PDRG1: variants seen among roughly 807,000 people sequenced by gnomAD.
PDRG1 encodes the protein p53 and DNA damage-regulated protein 1.
Under a neutral mutation model 18.4 loss-of-function variants are expected in PDRG1, and 14 were observed. The ratio of observed to expected loss-of-function variants is 0.76; its 90% CI spans 0.50 to 1.19. PDRG1 has a LOEUF of 1.19. Ranked by LOEUF, PDRG1 falls within the 50% of genes most tolerant of loss-of-function variation. PDRG1 has a pLI of 0.00. For synonymous variants in PDRG1, 65 were observed against 60.9 expected, an observed-to-expected ratio of 1.07 and a Z score of -0.31; for missense variants, 177 against 160.1, an observed-to-expected ratio of 1.11 and a Z score of -0.57.
Position 31,951,926 on chromosome 20 carries a change from G to A in PDRG1, c.36C>T (p.Tyr12=), listed in dbSNP as rs766689791. ...LSPEAERVLR[Y]LVEVEELAEE... ...CGGCGAGCTCCTCCACTTCTACAAG[G>A]TACCGCAGCACTCGCTCTGCCTCGG... Residue 12 remains tyrosine (Y), a synonymous_variant, in exon 1 of 5, where the codon TAC becomes TAT. Coordinates refer to ENST00000202017, the MANE Select transcript of PDRG1 (RefSeq NM_030815.3). 3 of 1,594,708 alleles carry A rather than the reference G, an allele frequency of 1.9e-6. No individual in the cohort carries two copies. The highest frequency in any genetic ancestry group is 1.4e-5 in the African/African-American group (1 of 73,932).
At chr20:31,949,007 G>C in intron 2 of PDRG1, 125 bp from the exon 3 acceptor site, 1 of 771,234 alleles carries the variant, frequency 1.3e-6, no homozygotes, top group African/African-American at 1.8e-5. Context: ...TGGAGCTTAT[G>C]TTACAGTGGA....
chr20:31,951,782 G>T, intron 1 of PDRG1, 93 bp downstream of exon 1: 1 of 1,363,252 alleles, frequency 7.3e-7, no homozygotes, highest in Non-Finnish European at 9.8e-7. Context: ...CCTCGGAGCC[G>T]TTAACCGCCT....
In PDRG1 at chr20:31,945,579, T is replaced by A. The variant is rs1181509806; in HGVS notation, c.*228A>T. On this transcript the variant is annotated 3_prime_UTR_variant, in exon 5 of 5. Transcript: ENST00000202017. ...GTGGCTACCAAGGCCCGTCAATAGA[T>A]CTTGTGTCCACCGAGCCCTGGTGTC... The A allele has an allele frequency of 4.3e-6, 2 of 468,376 alleles. No individual in the cohort carries two copies. The highest frequency in any genetic ancestry group is 7.7e-6 in the Non-Finnish European group (2 of 260,822). The allele number at this position is 468,376 out of a possible 1,614,324, so 29.0% of individuals were successfully genotyped here. A position where few individuals can be genotyped will look rare whatever the true frequency, so the allele number is the denominator to read the frequency against.
chr20:31,950,524 A>C, intron 1 of PDRG1, 137 bp from the exon 2 acceptor site: 1 of 658,158 alleles, frequency 1.5e-6, no homozygotes, highest in East Asian at 2.6e-5. Flanking sequence ...TTGATGTGTG[A>C]ATGTATTTCT....
At position 31,944,410 on chromosome 20, in the gene PDRG1, A is replaced by T. The variant is rs1459255097; in HGVS notation, c.*1397T>A. 6.5e-6 allele frequency: 1 copy of T among 154,048 alleles called. No homozygotes were observed. The highest frequency in any genetic ancestry group is 6.4e-5 in the Admixed American group (1 of 15,712). 9.5% of individuals were successfully genotyped at this position (154,048 alleles called of 1,614,324 possible). A position where few individuals can be genotyped will look rare whatever the true frequency, so the allele number is the denominator to read the frequency against. On this transcript the variant is annotated 3_prime_UTR_variant, in exon 5 of 5. Transcript: ENST00000202017. ...AATATATTCATACGGTTTAAAATCC[A>T]AAGTTTACAAAAGGGTATAGGGTGA...
Position 31,945,611 on chromosome 20 carries a change from C to A in PDRG1, c.*196G>T. The A allele has an allele frequency of 2.0e-6, 1 of 507,716 alleles. No individual in the cohort carries two copies. The highest frequency in any genetic ancestry group is 2.7e-5 in the South Asian group (1 of 37,474). The allele number at this position is 507,716 out of a possible 1,614,324, so 31.5% of individuals were successfully genotyped here. ...TCCACCGAGCCCTGGTGTCCAGGTC[C>A]AGCAGCCAGACAGGCTGAAGGTTCC... On this transcript the variant is annotated 3_prime_UTR_variant, in exon 5 of 5. Transcript: ENST00000202017.
chr20:31,945,974 A>G (rs932009939), intron 4 of PDRG1, 85 bp from the exon 5 acceptor site: 2 of 1,110,790 alleles, frequency 1.8e-6, no homozygotes, highest in African/African-American at 3.1e-5. Flanking sequence ...CGCTGCACTA[A>G]TGCTGCCAAA....
At chr20:31,951,517 T>C (rs1363191054) in intron 1 of PDRG1, among the ~76,000 whole-genome samples, 1 of 151,894 alleles carries the variant, frequency 6.6e-6, no homozygotes. Context: ...CCCTGCCCGG[T>C]CACAAGGCCC....
intron 3 of PDRG1, among the ~76,000 whole-genome samples, chr20:31,948,360 GCATGAGGA>G (rs369653769): frequency 6.9e-4 from 105 of 152,336 alleles, no homozygotes; most frequent in African/African-American, 2.5e-3. Flanking sequence ...CTCCAGCCTG[GCATGAGGA>G]CATGAGGCCT....
chr20:31,947,713 C>A (rs1434651859), intron 3 of PDRG1, among the ~76,000 whole-genome samples: 4 of 152,080 alleles, frequency 2.6e-5, no homozygotes, highest in African/African-American at 9.7e-5. Flanking sequence ...CATAGCAAAA[C>A]CCTGTCTTTA....
chr20:31,950,408 A>T, intron 1 of PDRG1, 21 bp from the exon 2 acceptor site: 1 of 1,580,022 alleles, frequency 6.3e-7, no homozygotes, highest in Non-Finnish European at 8.7e-7. Flanking sequence ...CAGGGACAGG[A>T]GGGAACTCAG....
chr20:31,948,325 A>G (rs936016517), intron 3 of PDRG1, among the ~76,000 whole-genome samples: 6 of 152,252 alleles, frequency 3.9e-5, no homozygotes, highest in Non-Finnish European at 7.3e-5. Context: ...GCAAAGCTCT[A>G]TGTGGCGAAA....
intron 4 of PDRG1, 55 bp from the exon 5 acceptor site, chr20:31,945,944 A>T: frequency 6.7e-7 from 1 of 1,483,600 alleles, no homozygotes; most frequent in South Asian, 1.2e-5. Flanking sequence ...CTCTGGAGCC[A>T]GGCCCAGGAA....
At chr20:31,945,951 G>C in intron 4 of PDRG1, 62 bp from the exon 5 acceptor site, 1 of 1,407,350 alleles carries the variant, frequency 7.1e-7, no homozygotes, top group South Asian at 1.2e-5. Flanking sequence ...GCCAGGCCCA[G>C]GAAAGGGGCT....
At chr20:31,949,072 A>C (rs1205799305) in intron 2 of PDRG1, among the ~76,000 whole-genome samples, 190 bp from the exon 3 acceptor site, 1 of 152,232 alleles carries the variant, frequency 6.6e-6, no homozygotes, top group Non-Finnish European at 1.5e-5. Context: ...GAGAAAAATA[A>C]AGCAGGCTAA....
intron 2 of PDRG1, among the ~76,000 whole-genome samples, chr20:31,949,937 C>G (rs1295533635): frequency 6.6e-6 from 1 of 152,282 alleles, no homozygotes; most frequent in East Asian, 1.9e-4. Flanking sequence ...TTCTCAACAC[C>G]CACCCCAAGT....
In PDRG1 at chr20:31,945,610, C is replaced by A; in HGVS notation, c.*197G>T. On this transcript the variant is annotated 3_prime_UTR_variant, in exon 5 of 5. Transcript: ENST00000202017. ...GTCCACCGAGCCCTGGTGTCCAGGT[C>A]CAGCAGCCAGACAGGCTGAAGGTTC... is the stretch of plus-strand genomic sequence containing the variant. 1 of 511,240 alleles carries A rather than the reference C, an allele frequency of 2.0e-6. No homozygotes were observed. Among genetic ancestry groups the A allele is most frequent in the Non-Finnish European group, 3.5e-6 (1 of 287,380 alleles). The allele number at this position is 511,240 out of a possible 1,614,324, so 31.7% of individuals were successfully genotyped here. A position where few individuals can be genotyped will look rare whatever the true frequency, so the allele number is the denominator to read the frequency against.
intron 2 of PDRG1, 77 bp downstream of exon 2, chr20:31,950,235 C>T: frequency 8.9e-7 from 1 of 1,122,880 alleles, no homozygotes; most frequent in Middle Eastern, 2.0e-4. Context: ...TGCCTGATCT[C>T]TATCAGGAAC....
In PDRG1 at chr20:31,951,966, C is replaced by T; in HGVS notation, c.-5G>A. 1.9e-6 allele frequency: 3 copies of T among 1,554,940 alleles called. No homozygotes were observed. The highest frequency in any genetic ancestry group is 1.4e-5 in the African/African-American group (1 of 71,658). On this transcript the variant is annotated 5_prime_UTR_variant, in exon 1 of 5. Coordinates refer to ENST00000202017, the MANE Select transcript of PDRG1 (RefSeq NM_030815.3). ...CTCTGCCTCGGGTGATAGCATAGCG[C>T]CCACCAACTCCGCTTGCGGCTCTCG...
Sources: gnomAD v4.1 joint callset for allele counts (sites outside exome capture counted in the v4.1 genomes callset) on GRCh38, gnomAD v4.1.1 for gene constraint, MANE v1.5 for transcripts, NCBI Gene and HGNC (gene_info 2026-07-23, HGNC 2026-07-21) for gene names.